The following ITFG2 variants were observed in gnomAD, a reference collection of about 807,000 sequenced individuals.
ITFG2 encodes the protein integrin alpha FG-GAP repeat containing 2.
A neutral mutation model predicts 54.4 loss-of-function variants in ITFG2; 36 were observed. The observed-to-expected ratio is 0.66, with a 90% CI of 0.51 to 0.87. The LOEUF is 0.87. Ranked by LOEUF, ITFG2 falls within the 40% of genes least tolerant of loss-of-function variation. The pLI, the probability that ITFG2 is intolerant of heterozygous loss-of-function variation, is 0.00. For missense variants in ITFG2, 524 were observed against 576.7 expected (o/e 0.91, Z 0.94); for synonymous variants, 211 against 225.4 (o/e 0.94, Z 0.57).
At chr12:2,853,141 C>CT (rs146373532) in intron 2 of ITFG2, among the ~76,000 whole-genome samples, 2,440 of 152,316 alleles carry the variant, frequency 0.016, 63 homozygotes, top group African/African-American at 0.054. Flanking sequence ...CTGGAGTACT[C>CT]TAAGTCTTTC....
chr12:2,853,586 G>T (rs980785180), intron 2 of ITFG2, among the ~76,000 whole-genome samples: 14 of 150,136 alleles, frequency 9.3e-5, no homozygotes, highest in African/African-American at 2.5e-4. Context: ...TTTTTTTGTT[G>T]TTGTTGTTGT....
At chr12:2,830,874 A>G (rs2097998329) in exon 3 of ITFG2, 4 of 1,610,084 alleles carry the variant, frequency 2.5e-6, no homozygotes, top group Non-Finnish European at 1.7e-6. Flanking sequence ...GCTCCATCAC[A>G]AAACAATGAA....
rs1221571695 is a variant in ITFG2 at position 2,812,755 on chromosome 12, G to C, written c.-6G>C. 1.9e-6 allele frequency: 3 copies of C among 1,601,164 alleles called. No homozygotes were observed. The highest frequency in any genetic ancestry group is 2.6e-6 in the Non-Finnish European group (3 of 1,169,018). Reference sequence around the variant, plus strand: ...CCTCTCCGCTCCCTCTGCTCTTGGAGGTGCCATGAGGTCAGTTAGCTACGT... The same window carrying C: ...CCTCTCCGCTCCCTCTGCTCTTGGACGTGCCATGAGGTCAGTTAGCTACGT... On this transcript the variant is annotated 5_prime_UTR_variant, in exon 1 of 12. Transcript: ENST00000228799.
chr12:2,831,015 G>T, downstream of ITFG2: 1 of 639,884 alleles, frequency 1.6e-6, no homozygotes, highest in Non-Finnish European at 2.5e-6. Context: ...GATAATGAGA[G>T]CAGAGTAAGC....
At chr12:2,847,182 ATTC>A (rs1184282575) in intron 2 of ITFG2, among the ~76,000 whole-genome samples, 2 of 152,162 alleles carry the variant, frequency 1.3e-5, no homozygotes, top group African/African-American at 2.4e-5. Context: ...TGTAACATGT[ATTC>A]TTTTAAAAAA....
chr12:2,817,136 A>G (rs1210941071), intron 1 of ITFG2, 87 bp from the exon 2 acceptor site: 3 of 797,446 alleles, frequency 3.8e-6, no homozygotes, highest in Non-Finnish European at 6.4e-6. Context: ...AGGTCTTGTG[A>G]TTACCCTTGG....
rs2097924501 is a variant in ITFG2, at chr12:2,817,278, A to G, written c.152A>G (p.Asp51Gly). 2.5e-6 allele frequency: 4 copies of G among 1,613,878 alleles called. No homozygotes were observed. The South Asian group carries it at 4.4e-5, about 18-fold the overall frequency. The stretch of plus-strand genomic sequence containing the variant: ...GGGAAGGTGTCTGTGTATAAAAATG[A>G]TGACAGTCGGCCATGGCTCACCTGT... ...TSGKVSVYKN[D>G]DSRPWLTCSC... is the part of the protein sequence containing the mutation. Residue 51 changes from aspartate to glycine, a missense_variant, in exon 2 of 12, where the codon GAT (aspartate) becomes GGT (glycine). Transcript: ENST00000228799.
chr12:2,833,873 CGTAAA>C (rs2098015253), upstream of ITFG2, among the ~76,000 whole-genome samples: 6 of 152,190 alleles, frequency 3.9e-5, no homozygotes, highest in Non-Finnish European at 8.8e-5. Flanking sequence ...GGCACAGAGA[CGTAAA>C]GTCAATTGCA....
intron 9 of ITFG2, among the ~76,000 whole-genome samples, chr12:2,822,009 A>C (rs2097947027): frequency 1.3e-5 from 2 of 150,276 alleles, no homozygotes; most frequent in African/African-American, 4.9e-5. Flanking sequence ...GTTCACTGCA[A>C]CCTTTTCTGC....
In ITFG2 at chr12:2,824,114, G is replaced by A. The variant is rs780506009; in HGVS notation, c.1265G>A (p.Arg422His). The stretch of plus-strand genomic sequence containing the variant: ...GATCCTGACGACCTCCCTGTGACTC[G>A]TGCCCTGCTTCACCAAACGCTCTAC... ...GVDPDDLPVT[R>H]ALLHQTLYHP... Residue 422 changes from arginine (R) to histidine (H), a missense_variant, in exon 12 of 12, where the codon CGT becomes CAT. Physicochemically the swap from Arg to His is conservative, Grantham distance 29. Transcript: ENST00000228799. The A allele has an allele frequency of 8.1e-6, 13 of 1,613,900 alleles. No individual in the cohort carries two copies. The highest frequency in any genetic ancestry group is 1.3e-5 in the African/African-American group (1 of 74,864).
chr12:2,850,648 CTTTG>C (rs2098067101), intron 2 of ITFG2, among the ~76,000 whole-genome samples: 1 of 145,560 alleles, frequency 6.9e-6, no homozygotes, highest in African/African-American at 2.7e-5. Flanking sequence ...GATCCAGAGT[CTTTG>C]TTTTTGTTTT....
rs142011066 is a variant in ITFG2, at chr12:2,855,895, A to G, written n.301-2117A>G. On this transcript the variant is annotated intron_variant and non_coding_transcript_variant, in intron 2 of 3. Coordinates refer to the ITFG2 transcript ENST00000537710. ...CCTGGTCTTGGCGGTATACCAGGAA[A>G]GTCCTCCAGAAAATAGGGCCAGGGG... is the stretch of plus-strand genomic sequence containing the variant. Among the ~76,000 whole-genome samples the G allele has an allele frequency of 3.9e-5, 6 of 152,152 alleles. No homozygotes were observed. The East Asian group carries it at 1.2e-3, about 30-fold the overall frequency.
In ITFG2 at chr12:2,844,002, G is replaced by A. The variant is rs530821389; in HGVS notation, n.300+3007G>A. 3.1e-4 allele frequency among the ~76,000 whole-genome samples: 46 copies of A among 148,872 alleles called. 1 individual carries two copies. The South Asian group carries it at 9.3e-3, about 30-fold the overall frequency. On this transcript the variant is annotated intron_variant and non_coding_transcript_variant, in intron 2 of 3. Coordinates refer to the ITFG2 transcript ENST00000537710. ...AGGCCAGGCATGGTGGCTCACGCCTGTAATCCCAGGACTTTGGGAGGCCAA... is the reference window on the plus strand; with the variant it reads ...AGGCCAGGCATGGTGGCTCACGCCTATAATCCCAGGACTTTGGGAGGCCAA...
downstream of ITFG2, among the ~76,000 whole-genome samples, chr12:2,829,151 G>A (rs142731240): frequency 7.7e-4 from 118 of 152,302 alleles, no homozygotes; most frequent in Non-Finnish European, 1.2e-3. Flanking sequence ...ATCCTTGGGA[G>A]TTTGATGGCC....
intron 10 of ITFG2, among the ~76,000 whole-genome samples, chr12:2,823,294 G>T (rs11614779): frequency 0.15 from 22,853 of 151,870 alleles, 1,845 homozygotes; most frequent in South Asian, 0.34. Context: ...AGCATGCCAG[G>T]TCTCTGTGAA....
At position 2,812,812 on chromosome 12, in the gene ITFG2, C is replaced by T; in HGVS notation, c.52C>T (p.Leu18Phe). 1.9e-6 allele frequency: 3 copies of T among 1,613,234 alleles called. No individual in the cohort carries two copies. Among genetic ancestry groups the T allele is most frequent in the Non-Finnish European group, 1.7e-6 (2 of 1,179,320 alleles). ...QRVALEFSGS[L>F]FPHAICLGDV... is the part of the protein sequence containing the mutation. Reference sequence around the variant, plus strand: ...CGTGGCGCTGGAGTTCAGCGGGAGCCTCTTCCCGCACGCAATCTGCCTCGG... The same window carrying T: ...CGTGGCGCTGGAGTTCAGCGGGAGCTTCTTCCCGCACGCAATCTGCCTCGG... The change falls in exon 1 of 12, where the codon CTC becomes TTC. Residue 18 changes from leucine to phenylalanine, a missense_variant. Physicochemically the swap from Leu to Phe is conservative, Grantham distance 22. Transcript: ENST00000228799.
At chr12:2,859,372 G>C (rs1272232364) in intron 3 of ITFG2, 1 of 1,613,834 alleles carries the variant, frequency 6.2e-7, no homozygotes, top group Non-Finnish European at 8.5e-7. Flanking sequence ...GGGGACCTAA[G>C]CCCACTGTAG....
intron 2 of ITFG2, among the ~76,000 whole-genome samples, chr12:2,846,465 G>C (rs139099786): frequency 6.6e-6 from 1 of 152,076 alleles, no homozygotes; most frequent in Non-Finnish European, 1.5e-5. Context: ...TGCAGTCCCC[G>C]CTCCAGCACA....
Position 2,859,508 on chromosome 12 carries a change from C to T in ITFG2, n.621-26C>T, listed in dbSNP as rs775974659. 26 of 1,613,868 alleles carry T rather than the reference C, an allele frequency of 1.6e-5. No homozygotes were observed. The African/African-American group carries it at 2.8e-4, about 17-fold the overall frequency. On this transcript the variant is annotated intron_variant and non_coding_transcript_variant, in intron 3 of 3. Transcript: ENST00000537710. ...GAGGGCTCTCCACTTTGATGGGTCT[C>T]GCTAAGTGTGGCATTTCCTCCCCAG...
Sources: gnomAD v4.1 joint callset for allele counts (sites outside exome capture counted in the v4.1 genomes callset) on GRCh38, gnomAD v4.1.1 for gene constraint, MANE v1.5 for transcripts, NCBI Gene and HGNC (gene_info 2026-07-23, HGNC 2026-07-21) for gene names.